The following ME1 variants were observed in gnomAD, a reference collection of about 807,000 sequenced individuals.
The protein encoded by ME1 is NADP-dependent malic enzyme.
ME1 carries 74 observed loss-of-function variants against 66.4 expected under a neutral mutation model. The ratio of observed to expected loss-of-function variants is 1.11; its 90% CI spans 0.92 to 1.35. The LOEUF (loss-of-function observed/expected upper bound fraction) is 1.35, where lower values mean the gene tolerates loss of function less well. ME1 is among the 40% of genes most tolerant of loss of function. The pLI, the probability that ME1 is intolerant of heterozygous loss-of-function variation, is 0.00. For synonymous variants in ME1, 251 were observed against 235.6 expected, an observed-to-expected ratio of 1.07 and a Z score of -0.60; for missense variants, 750 against 694.1, an observed-to-expected ratio of 1.08 and a Z score of -0.90.
chr6:83,228,521 C>T (rs1790240380), intron 10 of ME1, among the ~76,000 whole-genome samples: 1 of 152,036 alleles, frequency 6.6e-6, no homozygotes. Context: ...TCCTGCAGGG[C>T]AAAAATCCCT....
chr6:83,385,177 T>C (rs1046804688), intron 3 of ME1, among the ~76,000 whole-genome samples: 29 of 152,064 alleles, frequency 1.9e-4, no homozygotes, highest in African/African-American at 5.8e-4. Context: ...AACCATGGTA[T>C]GCAAAACTAA....
chr6:83,410,791 T>G (rs1770035084), intron 1 of ME1, among the ~76,000 whole-genome samples: 1 of 152,200 alleles, frequency 6.6e-6, no homozygotes, highest in Non-Finnish European at 1.5e-5. Flanking sequence ...TTAACAACAT[T>G]TATTGTTATA....
At chr6:83,410,170 C>T (rs962109795) in intron 1 of ME1, among the ~76,000 whole-genome samples, 1 of 152,048 alleles carries the variant, frequency 6.6e-6, no homozygotes, top group South Asian at 2.1e-4. Context: ...CTAGTGCTTA[C>T]AACAGTGCCT....
At chr6:83,223,678 A>T in intron 12 of ME1, 82 bp downstream of exon 12, 2 of 1,296,262 alleles carry the variant, frequency 1.5e-6, no homozygotes, top group Non-Finnish European at 1.1e-6. Flanking sequence ...CTGAGATGCT[A>T]GATAAATAAA....
intron 9 of ME1, among the ~76,000 whole-genome samples, chr6:83,237,287 G>GAAAGA (rs1790428064): frequency 2.2e-5 from 1 of 45,864 alleles, no homozygotes; most frequent in African/African-American, 9.1e-5. Context: ...AAGGAAGGAA[G>GAAAGA]GAAGGAAAGA....
intron 9 of ME1, 45 bp from the exon 10 acceptor site, chr6:83,228,976 T>C (rs960034172): frequency 7.8e-7 from 1 of 1,289,532 alleles, no homozygotes; most frequent in African/African-American, 1.5e-5. Flanking sequence ...GCCAAACATG[T>C]GAGGGTCAAT....
chr6:83,290,063 C>T (rs1308446814), intron 6 of ME1, among the ~76,000 whole-genome samples: 1 of 151,942 alleles, frequency 6.6e-6, no homozygotes, highest in African/African-American at 2.4e-5. Context: ...TTTTGTTGAT[C>T]TTTTCAAAAA....
intron 3 of ME1, among the ~76,000 whole-genome samples, chr6:83,365,804 A>G (rs746286473): frequency 1.3e-5 from 2 of 152,118 alleles, no homozygotes; most frequent in Non-Finnish European, 2.9e-5. Context: ...ATCTACCTAT[A>G]AACTTCCTTC....
chr6:83,259,406 G>A (rs941808280), intron 6 of ME1, among the ~76,000 whole-genome samples: 3 of 152,146 alleles, frequency 2.0e-5, no homozygotes, highest in Admixed American at 2.0e-4. Flanking sequence ...ATCACTAAAG[G>A]ACTGAGGGAA....
chr6:83,368,043 C>T (rs1769130767), intron 3 of ME1, among the ~76,000 whole-genome samples: 1 of 151,966 alleles, frequency 6.6e-6, no homozygotes, highest in African/African-American at 2.4e-5. Context: ...AATTTCAACA[C>T]TGTTGTGTGT....
intron 6 of ME1, among the ~76,000 whole-genome samples, chr6:83,275,221 C>T (rs1340060305): frequency 6.6e-6 from 1 of 151,672 alleles, no homozygotes; most frequent in Non-Finnish European, 1.5e-5. Flanking sequence ...GTAATCCCAG[C>T]TACATGGGAG....
chr6:83,240,597 T>C (rs1790492494), intron 7 of ME1, among the ~76,000 whole-genome samples: 2 of 152,132 alleles, frequency 1.3e-5, no homozygotes, highest in Non-Finnish European at 2.9e-5. Context: ...GCTGTATCTA[T>C]ACTTTACTCC....
At chr6:83,300,974 C>A (rs1170516) in intron 6 of ME1, among the ~76,000 whole-genome samples, 53,454 of 151,846 alleles carry the variant, frequency 0.35, 9,627 homozygotes, top group Middle Eastern at 0.49. Flanking sequence ...CGTGTTCTCA[C>A]TCATAGGTAG....
At chr6:83,260,176 CAA>C (rs11386903) in intron 6 of ME1, among the ~76,000 whole-genome samples, 1 of 143,502 alleles carries the variant, frequency 7.0e-6, no homozygotes, top group African/African-American at 2.6e-5. Context: ...TAGCAAGGAC[CAA>C]AAAAAAAAAG....
chr6:83,364,234 C>T, intron 3 of ME1, among the ~76,000 whole-genome samples: 1 of 152,140 alleles, frequency 6.6e-6, no homozygotes, highest in Non-Finnish European at 1.5e-5. Flanking sequence ...GCCTCCCCTA[C>T]CCTACATCTT....
At chr6:83,214,442 G>A (rs1789954484) in intron 13 of ME1, among the ~76,000 whole-genome samples, 1 of 152,242 alleles carries the variant, frequency 6.6e-6, no homozygotes, top group South Asian at 2.1e-4. Flanking sequence ...ATAAAAGTCT[G>A]CATCTGTTTT....
chr6:83,316,646 T>C (rs1001833683), intron 5 of ME1, among the ~76,000 whole-genome samples: 23 of 151,840 alleles, frequency 1.5e-4, no homozygotes, highest in African/African-American at 5.6e-4. Flanking sequence ...TTTGTACACA[T>C]ATAATTGTGT....
chr6:83,389,882 T>C (rs1240434033), intron 3 of ME1, among the ~76,000 whole-genome samples: 1 of 152,016 alleles, frequency 6.6e-6, no homozygotes, highest in Non-Finnish European at 1.5e-5. Flanking sequence ...TACCAAATAC[T>C]GGAAATTCTG....
At chr6:83,412,505 T>C (rs1460403006) in intron 1 of ME1, among the ~76,000 whole-genome samples, 1 of 152,126 alleles carries the variant, frequency 6.6e-6, no homozygotes, top group Admixed American at 6.5e-5. Flanking sequence ...ATAGTACATT[T>C]TGGAGAAGAC....
Sources: gnomAD v4.1 joint callset for allele counts (sites outside exome capture counted in the v4.1 genomes callset) on GRCh38, gnomAD v4.1.1 for gene constraint, MANE v1.5 for transcripts, NCBI Gene and HGNC (gene_info 2026-07-23, HGNC 2026-07-21) for gene names.